EIF3H: variants seen among roughly 807,000 people sequenced by gnomAD.
EIF3H encodes the protein eIF-3-gamma.
EIF3H carries 26 observed loss-of-function variants against 44.2 expected under a neutral mutation model. That is an observed-to-expected ratio of 0.59 (90% CI 0.43 to 0.82). The LOEUF (loss-of-function observed/expected upper bound fraction) is 0.82, where lower values mean the gene tolerates loss of function less well. EIF3H is among the 40% of genes least tolerant of loss of function. EIF3H has a pLI of 0.00. For synonymous variants in EIF3H, 166 were observed against 151.9 expected (o/e 1.09, Z -0.68); for missense variants, 359 against 432.8 (o/e 0.83, Z 1.51).
intron 2 of EIF3H, among the ~76,000 whole-genome samples, chr8:116,716,780 T>C (rs1157874783): frequency 1.3e-5 from 2 of 152,078 alleles, no homozygotes; most frequent in African/African-American, 4.8e-5. Context: ...AAAACTTTAT[T>C]TACAAATCAG....
In EIF3H at chr8:116,702,869, T is replaced by A. The variant is rs180796479; in HGVS notation, c.289+23147A>T. On this transcript the variant is annotated intron_variant, in intron 2 of 7. Transcript: ENST00000521861. The stretch of plus-strand genomic sequence containing the variant: ...AGTTTCCTGGAGGACAATTTTTCCA[T>A]AGAAGGTTGTGGGGATTGTGGGGGG... Among the ~76,000 whole-genome samples the A allele has an allele frequency of 3.4e-4, 52 of 152,238 alleles. 1 individual carries two copies. Among genetic ancestry groups the A allele is most frequent in the Admixed American group, 2.5e-3 (39 of 15,296 alleles).
At chr8:116,663,922 C>T (rs1363747844) in intron 2 of EIF3H, among the ~76,000 whole-genome samples, 4 of 131,160 alleles carry the variant, frequency 3.0e-5, no homozygotes, top group East Asian at 2.6e-4. Context: ...CAGAGCGAGA[C>T]TCAGTCTCAA....
intron 2 of EIF3H, among the ~76,000 whole-genome samples, chr8:116,662,653 G>A (rs1316202750): frequency 6.6e-6 from 1 of 151,986 alleles, no homozygotes; most frequent in African/African-American, 2.4e-5. Context: ...TTTTCAAAAA[G>A]TAGAAAGCCA....
At chr8:116,671,680 G>A (rs1813758282) in intron 2 of EIF3H, among the ~76,000 whole-genome samples, 1 of 152,136 alleles carries the variant, frequency 6.6e-6, no homozygotes, top group Non-Finnish European at 1.5e-5. Flanking sequence ...GAGCAGACAG[G>A]GCACACAGAC....
At chr8:116,670,681 A>C (rs934744787) in intron 2 of EIF3H, among the ~76,000 whole-genome samples, 2 of 152,210 alleles carry the variant, frequency 1.3e-5, no homozygotes, top group Non-Finnish European at 2.9e-5. Context: ...GTTAGTCTCT[A>C]GCAAAAATAT....
rs1815360795 is a variant in EIF3H at position 116,752,664 on chromosome 8, TGAAGAAAGAAAGAAA to T, written c.132+2987_132+3001del. The stretch of plus-strand genomic sequence containing the variant: ...GTAACACTGTTCATCAAGACAGAAA[TGAAGAAAGAAAGAAA>T]GAAAGAAAGAAAGAAAGAAAGAAAG... On this transcript the variant is annotated intron_variant, in intron 1 of 7. Transcript: ENST00000521861. 3.2e-5 allele frequency among the ~76,000 whole-genome samples: 3 copies of T among 92,838 alleles called. No individual in the cohort carries two copies. In the South Asian group the frequency reaches 1.0e-3, roughly 32 times the overall value. The allele number at this position is 92,838 out of a possible 152,430, so 60.9% of individuals were successfully genotyped here.
chr8:116,704,104 C>T (rs1814428931), intron 2 of EIF3H, among the ~76,000 whole-genome samples: 2 of 152,204 alleles, frequency 1.3e-5, no homozygotes, highest in South Asian at 4.1e-4. Flanking sequence ...TTCTGATACT[C>T]TGCTCCATTC....
chr8:116,755,856 C>G, upstream of EIF3H: 6 of 1,599,902 alleles, frequency 3.8e-6, no homozygotes, highest in Non-Finnish European at 5.1e-6. Context: ...AAGTACAAGT[C>G]TCGCGTGACG....
At position 116,644,080 on chromosome 8, in the gene EIF3H, A is replaced by G. The variant is rs992581406; in HGVS notation, c.*926T>C. 2 of 152,160 alleles carry G rather than the reference A, an allele frequency of 1.3e-5. No individual in the cohort carries two copies. Among genetic ancestry groups the G allele is most frequent in the African/African-American group, 4.8e-5 (2 of 41,446 alleles). The allele number at this position is 152,160 out of a possible 1,614,324, so 9.4% of individuals were successfully genotyped here. On this transcript the variant is annotated 3_prime_UTR_variant, in exon 8 of 8. Coordinates refer to ENST00000521861, the MANE Select transcript of EIF3H (RefSeq NM_003756.3). ...AATGAAGTTTACTTGTGGTGGCATG[A>G]TTCTTTTCTTTAAAATTTCTGTGGC...
intron 1 of EIF3H, among the ~76,000 whole-genome samples, chr8:116,736,342 T>C (rs1815039389): frequency 6.6e-6 from 1 of 152,174 alleles, no homozygotes; most frequent in Non-Finnish European, 1.5e-5. Flanking sequence ...TTATAGTTAC[T>C]AAAGTTCATC....
chr8:116,703,556 T>C (rs977607409), intron 2 of EIF3H, among the ~76,000 whole-genome samples: 5 of 152,322 alleles, frequency 3.3e-5, no homozygotes, highest in South Asian at 2.1e-4. Context: ...GTAGCAGAAT[T>C]AGTGAGAGTA....
intron 1 of EIF3H, among the ~76,000 whole-genome samples, chr8:116,730,853 C>T (rs1303800334): frequency 1.3e-5 from 2 of 152,182 alleles, no homozygotes; most frequent in South Asian, 2.1e-4. Context: ...CACCGTCTTA[C>T]GTGCAAGGAC....
chr8:116,741,424 T>C (rs1313964999), intron 1 of EIF3H, among the ~76,000 whole-genome samples: 2 of 152,102 alleles, frequency 1.3e-5, no homozygotes, highest in East Asian at 3.9e-4. Context: ...TTAAAAAGAG[T>C]TCAATTAAAT....
chr8:116,650,908 C>G (rs12547058), intron 5 of EIF3H, among the ~76,000 whole-genome samples: 129,571 of 152,082 alleles, frequency 0.85, 55,366 homozygotes, highest in Non-Finnish European at 0.89. Flanking sequence ...GGGATTACAG[C>G]CATGAGCCAC....
chr8:116,689,549 T>C (rs1814137495), intron 2 of EIF3H, among the ~76,000 whole-genome samples: 1 of 152,188 alleles, frequency 6.6e-6, no homozygotes, highest in African/African-American at 2.4e-5. Context: ...GATTTCTGAA[T>C]TAAGTATATA....
chr8:116,647,223 T>A (rs2130771824), intron 6 of EIF3H, among the ~76,000 whole-genome samples: 1 of 152,192 alleles, frequency 6.6e-6, no homozygotes, highest in East Asian at 1.9e-4. Context: ...TGCCTCAGCC[T>A]CCCGAGTAGT....
At chr8:116,667,415 A>G (rs1813688043) in intron 2 of EIF3H, among the ~76,000 whole-genome samples, 1 of 151,894 alleles carries the variant, frequency 6.6e-6, no homozygotes, top group African/African-American at 2.4e-5. Context: ...TCAAGGAGAG[A>G]ACGACCTGAG....
At chr8:116,743,654 A>C (rs1815167410) in intron 1 of EIF3H, among the ~76,000 whole-genome samples, 1 of 151,272 alleles carries the variant, frequency 6.6e-6, no homozygotes, top group Non-Finnish European at 1.5e-5. Context: ...GCTACTAGGG[A>C]GGCTAAGGTG....
Position 116,644,981 on chromosome 8 carries a change from C to A in EIF3H, c.*25G>T. 2.5e-6 allele frequency: 4 copies of A among 1,581,068 alleles called. No individual in the cohort carries two copies. Among genetic ancestry groups the A allele is most frequent in the Non-Finnish European group, 3.5e-6 (4 of 1,150,928 alleles). On this transcript the variant is annotated 3_prime_UTR_variant, in exon 8 of 8. Transcript: ENST00000521861. ...GTGTGACTTCAAGAGTTCATGTTAA[C>A]TTCTTTTCTGGAAACTTCCTTTTCT...
Sources: allele counts gnomAD v4.1 joint callset (sites outside exome capture counted in the v4.1 genomes callset), GRCh38; gene constraint gnomAD v4.1.1; transcripts MANE v1.5; gene names NCBI Gene and HGNC (gene_info 2026-07-23, HGNC 2026-07-21).